HEXD: variants seen among roughly 807,000 people sequenced by gnomAD.
HEXD encodes the protein hexosaminidase D.
In HEXD, 47 loss-of-function variants were observed where a neutral mutation model predicts 54.2. That is an observed-to-expected ratio of 0.87 (90% CI 0.69 to 1.11). The LOEUF is 1.11. Among genes scored for constraint, HEXD ranks in the 50% least tolerant of loss-of-function variants. The pLI is 0.00. For missense variants in HEXD, 576 were observed against 649.2 expected, an observed-to-expected ratio of 0.89 and a Z score of 1.23; for synonymous variants, 293 against 287.6, an observed-to-expected ratio of 1.02 and a Z score of -0.19.
At position 82,442,406 on chromosome 17, in the gene HEXD, G is replaced by A. The variant is rs778654848; in HGVS notation, c.*22G>A. 1 of 1,609,370 alleles carries A rather than the reference G, an allele frequency of 6.2e-7. No individual in the cohort carries two copies. Among genetic ancestry groups the A allele is most frequent in the Admixed American group, 1.7e-5 (1 of 59,956 alleles). ...CTGAGGGGAGAGCTCATGCCAGGGGGCTCCTGCTGGAGGCTGGGGGGGCTC... is the reference window on the plus strand; with the variant it reads ...CTGAGGGGAGAGCTCATGCCAGGGGACTCCTGCTGGAGGCTGGGGGGGCTC... On this transcript the variant is annotated 3_prime_UTR_variant, in exon 13 of 13. Coordinates refer to ENST00000327949, the MANE Select transcript of HEXD (RefSeq NM_001330542.2). The surrounding 1 kb of genome is among the most constrained non-coding windows in gnomAD (Gnocchi z 6.8).
intron 8 of HEXD, 64 bp downstream of exon 8, chr17:82,437,427 T>A (rs1330933695): frequency 7.2e-7 from 1 of 1,391,836 alleles, no homozygotes; most frequent in African/African-American, 1.5e-5. Context: ...CACGTCGGCC[T>A]GTGCAGCGTC....
chr17:82,424,236 T>TA (rs1219661012), intron 2 of HEXD, among the ~76,000 whole-genome samples, 158 bp from the exon 3 acceptor site: 2 of 152,176 alleles, frequency 1.3e-5, no homozygotes, highest in African/African-American at 2.4e-5. Flanking sequence ...TGGCATAACG[T>TA]AAAGTACACA....
At chr17:82,439,756 C>G (rs751681095) in intron 9 of HEXD, 43 bp downstream of exon 9, 2 of 1,598,466 alleles carry the variant, frequency 1.3e-6, no homozygotes, top group Non-Finnish European at 1.7e-6. Context: ...GGCCCCTCCC[C>G]GAAAGACCCG....
chr17:82,423,023 C>T (rs779042064), intron 2 of HEXD, among the ~76,000 whole-genome samples: 1 of 150,908 alleles, frequency 6.6e-6, no homozygotes, highest in African/African-American at 2.4e-5. Flanking sequence ...TGCCACTGCA[C>T]TCCATCCTGG....
rs1276322374 is a variant in HEXD, at chr17:82,434,697, G to C, written c.447+875G>C. ...TACTAAATATACAAAAATCAGCCGG[G>C]CGTGATGGCGGGCGCCTGTAATCCC... On this transcript the variant is annotated intron_variant, in intron 5 of 12. Coordinates refer to ENST00000327949, the MANE Select transcript of HEXD (RefSeq NM_001330542.2). The surrounding 1 kb of genome is among the most constrained non-coding windows in gnomAD (Gnocchi z 4.5). 6.6e-6 allele frequency among the ~76,000 whole-genome samples: 1 copy of C among 151,714 alleles called. No homozygotes were observed. Among genetic ancestry groups the C allele is most frequent in the Admixed American group, 6.6e-5 (1 of 15,246 alleles).
In HEXD at chr17:82,439,595, G is replaced by A. The variant is rs368304034; in HGVS notation, c.900-36G>A. ...GCGCCTGCGTCAGGCTGCTGGGGGCGGGCTGCGGAGCTAAGCGCCCCTCTC... is the reference window on the plus strand; with the variant it reads ...GCGCCTGCGTCAGGCTGCTGGGGGCAGGCTGCGGAGCTAAGCGCCCCTCTC... On this transcript the variant is annotated intron_variant, in intron 8 of 12. Transcript: ENST00000327949. 1.8e-5 allele frequency: 27 copies of A among 1,510,356 alleles called. No individual in the cohort carries two copies. The East Asian group carries it at 2.3e-4, about 13-fold the overall frequency. The allele number at this position is 1,510,356 out of a possible 1,614,324, so 93.6% of individuals were successfully genotyped here. A position where few individuals can be genotyped will look rare whatever the true frequency, so the allele number is the denominator to read the frequency against.
At position 82,442,029 on chromosome 17, in the gene HEXD, C is replaced by T. The variant is rs992334083; in HGVS notation, c.1253+140C>T. ...CCTCTGGTCTCAGATGTGCAGCTGT[C>T]ACCGACTTGTTCCTCCCGACATGCC... On this transcript the variant is annotated intron_variant, in intron 12 of 12. Coordinates refer to ENST00000327949, the MANE Select transcript of HEXD (RefSeq NM_001330542.2). This position sits in a 1 kb window ranked among gnomAD's most constrained non-coding sequence, Gnocchi z 6.8. 1.2e-5 allele frequency: 16 copies of T among 1,299,018 alleles called. No homozygotes were observed. The highest frequency in any genetic ancestry group is 1.7e-5 in the Non-Finnish European group (16 of 924,706). The allele number at this position is 1,299,018 out of a possible 1,614,324, so 80.5% of individuals were successfully genotyped here. A position where few individuals can be genotyped will look rare whatever the true frequency, so the allele number is the denominator to read the frequency against.
Position 82,442,339 on chromosome 17 carries a change from G to A in HEXD, c.1416G>A (p.Pro472=), listed in dbSNP as rs774339234. 43 of 1,610,602 alleles carry A rather than the reference G, an allele frequency of 2.7e-5. No individual in the cohort carries two copies. The highest frequency in any genetic ancestry group is 2.2e-4 in the Admixed American group (13 of 59,974). The change falls in exon 13 of 13, where the codon CCG becomes CCA. Residue 472 remains proline, a synonymous_variant. Transcript: ENST00000327949. The surrounding 1 kb of genome is among the most constrained non-coding windows in gnomAD (Gnocchi z 6.8). ...ACCTCAGCGAGGTGTCTGCCCCCCC[G>A]CTGCCACCCACCAGCCCTGGCAGGG... ...LQDLSEVSAP[P]LPPTSPGRDV...
chr17:82,441,898 C>T lies in HEXD; in HGVS notation c.1253+9C>T, dbSNP rs1567899652. The T allele has an allele frequency of 6.2e-7, 1 of 1,612,388 alleles. No individual in the cohort carries two copies. The highest frequency in any genetic ancestry group is 2.2e-5 in the East Asian group (1 of 44,870). On this transcript the variant is annotated intron_variant, in intron 12 of 12. Transcript: ENST00000327949. ...CAGCCCGCAGCGCTCAGGTGAGGCC[C>T]TGGGCTCTTATAGGCCGTGCAGCCA...
Position 82,425,002 on chromosome 17 carries a change from C to T in HEXD, c.194+499C>T, listed in dbSNP as rs928517993. Among the ~76,000 whole-genome samples, 65 of 141,750 alleles carry T rather than the reference C, an allele frequency of 4.6e-4. 1 individual carries two copies. Among genetic ancestry groups the T allele is most frequent in the Middle Eastern group, 9.0e-3 (2 of 222 alleles). 93.0% of individuals were successfully genotyped at this position (141,750 alleles called of 152,430 possible). ...CAGAGAAGGCTGGGCTAGAGAAGGC[C>T]GGAGAAGGCTGGAGGAGGCTAGAGA... On this transcript the variant is annotated intron_variant, in intron 3 of 12. Transcript: ENST00000327949.
intron 4 of HEXD, among the ~76,000 whole-genome samples, chr17:82,432,300 AC>A (rs2053597062): frequency 1.3e-5 from 2 of 152,016 alleles, no homozygotes; most frequent in African/African-American, 4.8e-5. Context: ...TTCCAGGGTC[AC>A]CCATTAAATC....
In HEXD at chr17:82,442,290, A is replaced by G; in HGVS notation, c.1367A>G (p.Gln456Arg). ...WLEENVHPSL[Q>R]RLQALLQDLS... The stretch of plus-strand genomic sequence containing the variant: ...GAGGAAAACGTGCACCCCAGCCTGC[A>G]GCGGCTGCAAGCTCTGCTGCAGGAC... Residue 456 changes from glutamine (Q) to arginine (R), a missense_variant, in exon 13 of 13, where the codon CAG (glutamine) becomes CGG (arginine). Physicochemically the swap from Gln to Arg is conservative, Grantham distance 43. Transcript: ENST00000327949. The surrounding 1 kb of genome is among the most constrained non-coding windows in gnomAD (Gnocchi z 6.8). 6.2e-7 allele frequency: 1 copy of G among 1,608,322 alleles called. No individual in the cohort carries two copies. The highest frequency in any genetic ancestry group is 8.5e-7 in the Non-Finnish European group (1 of 1,179,912).
At chr17:82,435,600 C>G in intron 5 of HEXD, 89 bp from the exon 6 acceptor site, 1 of 1,367,382 alleles carries the variant, frequency 7.3e-7, no homozygotes, top group East Asian at 2.4e-5. Context: ...GGCAGCGGCC[C>G]CTCTCCGTCA....
intron 6 of HEXD, among the ~76,000 whole-genome samples, 170 bp downstream of exon 6, chr17:82,436,042 C>G (rs1350168487): frequency 6.6e-6 from 1 of 152,234 alleles, no homozygotes; most frequent in Non-Finnish European, 1.5e-5. Flanking sequence ...AGTCGTTTCC[C>G]TAGAAGCTGT....
rs1413462320 is a variant in HEXD at position 82,442,098 on chromosome 17, C to T, written c.1254-79C>T. On this transcript the variant is annotated intron_variant, in intron 12 of 12. Coordinates refer to ENST00000327949, the MANE Select transcript of HEXD (RefSeq NM_001330542.2). This position sits in a 1 kb window ranked among gnomAD's most constrained non-coding sequence, Gnocchi z 6.8. ...GCCCCATTTCACAGGTGAACTGAGGCACAGGGCAGTACTGACCATGGGGCT... is the reference window on the plus strand; with the variant it reads ...GCCCCATTTCACAGGTGAACTGAGGTACAGGGCAGTACTGACCATGGGGCT... 3.3e-6 allele frequency: 5 copies of T among 1,509,194 alleles called. No individual in the cohort carries two copies. The highest frequency in any genetic ancestry group is 4.5e-6 in the Non-Finnish European group (5 of 1,114,432). 93.5% of individuals were successfully genotyped at this position (1,509,194 alleles called of 1,614,324 possible). A position where few individuals can be genotyped will look rare whatever the true frequency, so the allele number is the denominator to read the frequency against.
intron 3 of HEXD, among the ~76,000 whole-genome samples, chr17:82,428,331 G>T (rs777002528): frequency 1.3e-5 from 2 of 152,082 alleles, no homozygotes; most frequent in Admixed American, 6.6e-5. Flanking sequence ...TCTTGTCGTG[G>T]GTTGAAAAGC....
At chr17:82,428,793 G>T (rs749110816) in intron 4 of HEXD, 148 bp downstream of exon 4, 18 of 652,786 alleles carry the variant, frequency 2.8e-5, no homozygotes, top group Non-Finnish European at 5.0e-5. Context: ...AAGGCCTTTG[G>T]TCTAGGAAGT....
chr17:82,432,880 G>A lies in HEXD; in HGVS notation c.283-778G>A, dbSNP rs370299525. Reference sequence around the variant, plus strand: ...AGATCGAGACCATCCTGGCTAACACGGTGAAACCCCGTCTCTACTAAAACA... The same window carrying A: ...AGATCGAGACCATCCTGGCTAACACAGTGAAACCCCGTCTCTACTAAAACA... On this transcript the variant is annotated intron_variant, in intron 4 of 12. Coordinates refer to ENST00000327949, the MANE Select transcript of HEXD (RefSeq NM_001330542.2). Among the ~76,000 whole-genome samples the A allele has an allele frequency of 2.7e-3, 395 of 145,112 alleles. 1 individual carries two copies. The highest frequency in any genetic ancestry group is 4.1e-3 in the African/African-American group (161 of 39,096).
At position 82,425,152 on chromosome 17, in the gene HEXD, G is replaced by A. The variant is rs12950791; in HGVS notation, c.194+649G>A. ...CAGAGAAGGCTGGAGAAGGCTGGAG[G>A]AGGCTAGAGAAGGCTGGAGGAGGCT... On this transcript the variant is annotated intron_variant, in intron 3 of 12. Coordinates refer to ENST00000327949, the MANE Select transcript of HEXD (RefSeq NM_001330542.2). Among the ~76,000 whole-genome samples the A allele has an allele frequency of 6.4e-3, 623 of 97,264 alleles. 1 individual carries two copies. The highest frequency in any genetic ancestry group is 0.023 in the East Asian group (37 of 1,638). 63.8% of individuals were successfully genotyped at this position (97,264 alleles called of 152,430 possible). A position where few individuals can be genotyped will look rare whatever the true frequency, so the allele number is the denominator to read the frequency against.
Sources: gnomAD v4.1 joint callset for allele counts (sites outside exome capture counted in the v4.1 genomes callset) on GRCh38, gnomAD v4.1.1 for gene constraint, Gnocchi (gnomAD v3.1) non-coding constraint, MANE v1.5 for transcripts, NCBI Gene and HGNC (gene_info 2026-07-23, HGNC 2026-07-21) for gene names.